NRXN1: variants seen among roughly 807,000 people sequenced by gnomAD.
NRXN1 encodes the protein neurexin-1.
A neutral mutation model predicts 150.9 loss-of-function variants in NRXN1; 39 were observed. The ratio of observed to expected loss-of-function variants is 0.26; its 90% CI spans 0.20 to 0.34. The LOEUF (loss-of-function observed/expected upper bound fraction) is 0.34. Ranked by LOEUF, NRXN1 falls within the 10% of genes least tolerant of loss-of-function variation. The pLI is 1.00. For missense variants in NRXN1, 1,815 were observed against 1,949.9 expected (o/e 0.93, Z 1.30); for synonymous variants, 924 against 757.0 (o/e 1.22, Z -3.62).
intron 8 of NRXN1, among the ~76,000 whole-genome samples, chr2:50,563,073 C>T (rs914525715): frequency 6.6e-6 from 1 of 152,056 alleles, no homozygotes; most frequent in Non-Finnish European, 1.5e-5. Context: ...AAAGCAATCA[C>T]TGAATATTTT....
chr2:50,638,135 T>C (rs998077818), intron 5 of NRXN1, among the ~76,000 whole-genome samples: 9 of 151,996 alleles, frequency 5.9e-5, no homozygotes, highest in Admixed American at 6.6e-5. Context: ...AAAAACTGGG[T>C]CTCTAGATCA....
Position 50,927,019 on chromosome 2 carries a change from G to A in NRXN1, c.773-1064C>T, listed in dbSNP as rs149478492. On this transcript the variant is annotated intron_variant, in intron 2 of 22. Transcript: ENST00000401669. Reference sequence around the variant, plus strand: ...CTTAGGGGACTAGGGCAAGAGCAAGGTTTCAGTAGTTATCAAAAATGTTCT... The same window carrying A: ...CTTAGGGGACTAGGGCAAGAGCAAGATTTCAGTAGTTATCAAAAATGTTCT... Among the ~76,000 whole-genome samples, 9 of 151,962 alleles carry A rather than the reference G, an allele frequency of 5.9e-5. No individual in the cohort carries two copies. In the East Asian group the frequency reaches 1.7e-3, roughly 30 times the overall value.
At chr2:50,007,325 G>A (rs942759315) in intron 21 of NRXN1, among the ~76,000 whole-genome samples, 4 of 152,052 alleles carry the variant, frequency 2.6e-5, no homozygotes, top group Non-Finnish European at 5.9e-5. Flanking sequence ...CAGCCTGAGT[G>A]ACAGAGCAAG....
chr2:50,443,069 T>C (rs143378739), intron 17 of NRXN1, among the ~76,000 whole-genome samples: 41 of 152,230 alleles, frequency 2.7e-4, no homozygotes, highest in Admixed American at 1.3e-3. Context: ...TTATTCATAA[T>C]TGAAAACTTT....
intron 5 of NRXN1, among the ~76,000 whole-genome samples, chr2:50,694,994 G>A (rs1553983068): frequency 6.6e-6 from 1 of 152,106 alleles, no homozygotes; most frequent in Non-Finnish European, 1.5e-5. Context: ...TGATCTGGGA[G>A]TGCCTTTAGA....
chr2:50,339,452 T>G (rs80331212), intron 17 of NRXN1, among the ~76,000 whole-genome samples: 19,095 of 152,060 alleles, frequency 0.13, 1,232 homozygotes, highest in Non-Finnish European at 0.14. Context: ...TCAAAGAAAG[T>G]TCATAGAAAA....
At chr2:50,818,885 A>C (rs1334421070) in intron 5 of NRXN1, among the ~76,000 whole-genome samples, 1 of 152,150 alleles carries the variant, frequency 6.6e-6, no homozygotes, top group Non-Finnish European at 1.5e-5. Context: ...AAGAAATACA[A>C]ATGGCCAACA....
At chr2:50,868,076 G>A (rs1421608549) in intron 5 of NRXN1, among the ~76,000 whole-genome samples, 1 of 136,094 alleles carries the variant, frequency 7.3e-6, no homozygotes, top group Non-Finnish European at 1.6e-5. Flanking sequence ...TATTGTTCAG[G>A]CCTAAAAAGA....
In NRXN1 at chr2:51,006,096, G is replaced by A. The variant is rs111703073; in HGVS notation, c.772+21406C>T. On this transcript the variant is annotated intron_variant, in intron 2 of 22. Coordinates refer to ENST00000401669, the MANE Select transcript of NRXN1 (RefSeq NM_001330078.2). ...GATAGAAGCTAGCAATCTTCAAAAC[G>A]TGTATAAATCTATTGCCAGTCATTG... Among the ~76,000 whole-genome samples, 271 of 151,830 alleles carry A rather than the reference G, an allele frequency of 1.8e-3. 3 individuals are homozygous for A. Among genetic ancestry groups the A allele is most frequent in the African/African-American group, 6.3e-3 (261 of 41,468 alleles).
At chr2:50,713,017 A>G (rs926725486) in intron 5 of NRXN1, among the ~76,000 whole-genome samples, 3 of 152,154 alleles carry the variant, frequency 2.0e-5, no homozygotes, top group Non-Finnish European at 2.9e-5. Flanking sequence ...TGAGAGTTAT[A>G]TTAAATTTAA....
chr2:50,330,876 T>C (rs937713334), intron 17 of NRXN1, among the ~76,000 whole-genome samples: 1 of 152,166 alleles, frequency 6.6e-6, no homozygotes, highest in South Asian at 2.1e-4. Context: ...GAAAGAAATC[T>C]AGAGCTGGAC....
chr2:50,162,109 T>C (rs949336127), intron 18 of NRXN1, among the ~76,000 whole-genome samples: 3 of 152,102 alleles, frequency 2.0e-5, no homozygotes, highest in African/African-American at 7.2e-5. Context: ...CAGCAGCAAA[T>C]TGGTTAACTT....
chr2:50,947,548 AC>A (rs1690595052), intron 2 of NRXN1, among the ~76,000 whole-genome samples: 1 of 151,930 alleles, frequency 6.6e-6, no homozygotes, highest in South Asian at 2.1e-4. Flanking sequence ...AAGATAATAT[AC>A]CCATTCATGA....
intron 5 of NRXN1, among the ~76,000 whole-genome samples, chr2:50,712,856 A>G (rs956933069): frequency 1.3e-5 from 2 of 152,168 alleles, no homozygotes; most frequent in Non-Finnish European, 2.9e-5. Flanking sequence ...ATGCCTTGAC[A>G]TTATTTTTCT....
intron 21 of NRXN1, among the ~76,000 whole-genome samples, chr2:50,048,770 T>C (rs1284964956): frequency 6.6e-6 from 1 of 152,198 alleles, no homozygotes; most frequent in Admixed American, 6.6e-5. Context: ...CTCTCAATAG[T>C]TCCTTTCCTT....
intron 12 of NRXN1, chr2:50,526,878 T>C (rs1217410372): frequency 3.9e-5 from 6 of 152,200 alleles, no homozygotes; most frequent in Admixed American, 3.9e-4. Context: ...AAAGGTATTA[T>C]TCTGTGGAAT....
intron 17 of NRXN1, among the ~76,000 whole-genome samples, chr2:50,408,898 A>G (rs746219325): frequency 2.1e-5 from 3 of 143,724 alleles, no homozygotes; most frequent in African/African-American, 7.6e-5. Flanking sequence ...TCTAAATCTG[A>G]CTGCACCTTT....
intron 5 of NRXN1, among the ~76,000 whole-genome samples, chr2:50,772,710 A>G (rs1361567473): frequency 6.6e-6 from 1 of 152,142 alleles, no homozygotes; most frequent in African/African-American, 2.4e-5. Context: ...TGAATTTTTT[A>G]TATCTCAAAT....
At chr2:50,384,511 A>AT (rs1354973325) in intron 17 of NRXN1, among the ~76,000 whole-genome samples, 43 of 68,056 alleles carry the variant, frequency 6.3e-4, no homozygotes, top group Non-Finnish European at 9.8e-4. Flanking sequence ...ATCTCAAAAA[A>AT]AAAAAAAAAA....
Sources: gnomAD v4.1 joint callset for allele counts (sites outside exome capture counted in the v4.1 genomes callset) on GRCh38, gnomAD v4.1.1 for gene constraint, MANE v1.5 for transcripts, NCBI Gene and HGNC (gene_info 2026-07-23, HGNC 2026-07-21) for gene names.